The following FBLN7 variants were observed in gnomAD, a reference collection of about 807,000 sequenced individuals.
FBLN7 encodes the protein fibulin-7.
A neutral mutation model predicts 44.0 loss-of-function variants in FBLN7; 31 were observed. The ratio of observed to expected loss-of-function variants is 0.70; its 90% confidence interval spans 0.53 to 0.95. The LOEUF (loss-of-function observed/expected upper bound fraction) is 0.95, where lower values mean the gene tolerates loss of function less well. FBLN7 is among the 40% of genes least tolerant of loss of function. FBLN7 has a pLI of 0.00. For synonymous variants in FBLN7, 262 were observed against 253.4 expected (o/e 1.03, Z -0.32); for missense variants, 573 against 618.5 (o/e 0.93, Z 0.78).
the FBLN7 span, among the ~76,000 whole-genome samples, chr2:112,226,086 A>C: frequency 6.6e-6 from 1 of 152,086 alleles, no homozygotes; most frequent in Admixed American, 6.5e-5. Flanking sequence ...CATCTCAAAA[A>C]AAAAAGAAAA....
the FBLN7 span, among the ~76,000 whole-genome samples, chr2:112,205,492 C>T: frequency 6.6e-6 from 1 of 151,830 alleles, no homozygotes; most frequent in Non-Finnish European, 1.5e-5. Context: ...AAGTAACCCA[C>T]AGGAAAGCAG....
the FBLN7 span, among the ~76,000 whole-genome samples, chr2:112,199,921 A>G: frequency 1.3e-5 from 2 of 152,180 alleles, no homozygotes; most frequent in African/African-American, 4.8e-5. Context: ...GGTATGATGC[A>G]GCAAGAAGGC....
chr2:112,166,141 C>T (rs1183354943), intron 3 of FBLN7, among the ~76,000 whole-genome samples: 1 of 152,228 alleles, frequency 6.6e-6, no homozygotes, highest in Non-Finnish European at 1.5e-5. Context: ...ACCTCTGCCT[C>T]CCGGGTTCCA....
the FBLN7 span, among the ~76,000 whole-genome samples, chr2:112,198,246 C>T: frequency 4.6e-5 from 7 of 152,232 alleles, no homozygotes; most frequent in East Asian, 9.6e-4. Flanking sequence ...ACATTGAAAC[C>T]TCATCTCCAA....
Position 112,182,862 on chromosome 2 carries a change from C to T in FBLN7, c.742C>T (p.Pro248Ser). ...RLCMHACVNT[P>S]GSYRCTCPGG... ...CTGCATGCACGCCTGCGTGAACACC[C>T]CGGGCTCTTACCGTTGCACCTGCCC... is the stretch of plus-strand genomic sequence containing the variant. The change falls in exon 6 of 8, where the codon CCG becomes TCG. Residue 248 changes from proline to serine, a missense_variant. By Grantham distance (74) the Pro-to-Ser change is moderately conservative. Coordinates refer to ENST00000331203, the MANE Select transcript of FBLN7 (RefSeq NM_153214.3). The T allele has an allele frequency of 6.2e-7, 1 of 1,613,132 alleles. No homozygotes were observed. The highest frequency in any genetic ancestry group is 8.5e-7 in the Non-Finnish European group (1 of 1,179,870).
chr2:112,151,673 G>A (rs932544382), intron 1 of FBLN7: 14 of 152,266 alleles, frequency 9.2e-5, no homozygotes, highest in African/African-American at 3.1e-4. Flanking sequence ...ATCCCAAAAG[G>A]AAATAGACAA....
intron 2 of FBLN7, among the ~76,000 whole-genome samples, chr2:112,163,034 G>A (rs565817864): frequency 5.1e-4 from 78 of 152,312 alleles, no homozygotes; most frequent in Middle Eastern, 3.4e-3. Flanking sequence ...ATTACCACTG[G>A]GGGCCAACTT....
chr2:112,185,868 CT>C (rs200206678), intron 7 of FBLN7, among the ~76,000 whole-genome samples: 1,495 of 139,312 alleles, frequency 0.011, 2 homozygotes, highest in Middle Eastern at 0.011. Context: ...GCAAGTAGAG[CT>C]TTTTTTTTTT....
At chr2:112,172,660 G>A (rs1195936568) in intron 3 of FBLN7, among the ~76,000 whole-genome samples, 1 of 117,774 alleles carries the variant, frequency 8.5e-6, no homozygotes, top group African/African-American at 3.3e-5. Context: ...TTGAGACAGA[G>A]TCTCACTCTG....
At chr2:112,238,232 A>G in the FBLN7 span, 1 of 1,376,144 alleles carries the variant, frequency 7.3e-7, no homozygotes, top group African/African-American at 1.4e-5. Context: ...ATAAAGTGCA[A>G]AGAAAAATCC....
the FBLN7 span, among the ~76,000 whole-genome samples, chr2:112,196,374 CTTTTTTTTTTTTTT>C: frequency 1.6e-5 from 1 of 63,258 alleles, no homozygotes; most frequent in Non-Finnish European, 2.8e-5. Context: ...TCTTCTTCTT[CTTTTTTTTTTTTTT>C]TTTTTTTTTT....
chr2:112,234,686 G>C, the FBLN7 span, among the ~76,000 whole-genome samples: 1 of 152,102 alleles, frequency 6.6e-6, no homozygotes, highest in South Asian at 2.1e-4. Context: ...TGTAAGCCCA[G>C]CTACTCTAGA....
At chr2:112,203,057 C>CA in the FBLN7 span, among the ~76,000 whole-genome samples, 2 of 152,018 alleles carry the variant, frequency 1.3e-5, no homozygotes, top group Admixed American at 6.6e-5. Flanking sequence ...AACAAAAAAA[C>CA]AAAAAAACTG....
chr2:112,199,271 G>A, the FBLN7 span, among the ~76,000 whole-genome samples: 2 of 152,072 alleles, frequency 1.3e-5, no homozygotes, highest in Admixed American at 6.6e-5. Flanking sequence ...ACAGTTGTAC[G>A]GTGGGCAGAG....
rs1558865249 is a variant in FBLN7, at chr2:112,140,097, CGTCCCTCCCGCCTCTCTCCACGCCAGT to C, written c.75+1415_75+1441del. Among the ~76,000 whole-genome samples the C allele has an allele frequency of 3.0e-3, 283 of 94,024 alleles. 1 individual carries two copies. The highest frequency in any genetic ancestry group is 9.1e-3 in the African/African-American group (203 of 22,186). The allele number at this position is 94,024 out of a possible 152,430, so 61.7% of individuals were successfully genotyped here. On this transcript the variant is annotated intron_variant, in intron 1 of 7. Coordinates refer to ENST00000331203, the MANE Select transcript of FBLN7 (RefSeq NM_153214.3). ...TCCCTCCCGCCTCTCTCCACGCCAG[CGTCCCTCCCGCCTCTCTCCACGCCAGT>C]GTCCCTCCCGCCTCTCTCCACGCCA...
chr2:112,234,222 T>C, the FBLN7 span: 1 of 1,605,106 alleles, frequency 6.2e-7, no homozygotes, highest in Non-Finnish European at 8.5e-7. Context: ...GCTGCTTCTC[T>C]TTAGGTTTAC....
chr2:112,243,936 C>G, the FBLN7 span, among the ~76,000 whole-genome samples: 170 of 151,260 alleles, frequency 1.1e-3, no homozygotes, highest in African/African-American at 4.0e-3. Context: ...AGAAAGCTAT[C>G]AAAACAAGAA....
the FBLN7 span, chr2:112,230,679 C>A: frequency 4.7e-6 from 1 of 213,264 alleles, no homozygotes; most frequent in Non-Finnish European, 9.3e-6. Context: ...TACAAAGAAA[C>A]ACAAGAGGAG....
chr2:112,160,708 A>G (rs1203685049), intron 2 of FBLN7, among the ~76,000 whole-genome samples: 2 of 149,596 alleles, frequency 1.3e-5, no homozygotes, highest in South Asian at 2.1e-4. Context: ...ACGCACGCAC[A>G]CACACAAGCA....
Sources: allele counts gnomAD v4.1 joint callset (sites outside exome capture counted in the v4.1 genomes callset), GRCh38; gene constraint gnomAD v4.1.1; transcripts MANE v1.5; gene names NCBI Gene and HGNC (gene_info 2026-07-23, HGNC 2026-07-21).